The following PCDH7 variants were observed in gnomAD, a reference collection of about 807,000 sequenced individuals.
The protein encoded by PCDH7 is protocadherin-7.
Under a neutral mutation model 58.9 loss-of-function variants are expected in PCDH7, and 17 were observed. The observed-to-expected ratio is 0.29, with a 90% confidence interval of 0.20 to 0.43. The LOEUF (loss-of-function observed/expected upper bound fraction) is 0.43, where lower values mean the gene tolerates loss of function less well. Ranked by LOEUF, PCDH7 falls within the 20% of genes least tolerant of loss-of-function variation. The pLI is 1.00. For missense variants in PCDH7, 1,274 were observed against 1,441.0 expected, an observed-to-expected ratio of 0.88 and a Z score of 1.88; for synonymous variants, 664 against 616.4, an observed-to-expected ratio of 1.08 and a Z score of -1.14.
chr4:31,014,615 GTT>G, intron 3 of PCDH7, among the ~76,000 whole-genome samples: 2 of 152,238 alleles, frequency 1.3e-5, no homozygotes, highest in Admixed American at 1.3e-4. Context: ...AACAAAAAAT[GTT>G]ATGTTTAAAA....
At chr4:30,745,681 A>G (rs951881576) in intron 1 of PCDH7, among the ~76,000 whole-genome samples, 2 of 152,062 alleles carry the variant, frequency 1.3e-5, no homozygotes, top group African/African-American at 4.8e-5. Flanking sequence ...TGTAACTAAC[A>G]ACAGATCCCT....
intron 1 of PCDH7, among the ~76,000 whole-genome samples, chr4:30,891,381 TG>T (rs755574388): frequency 6.6e-6 from 1 of 152,108 alleles, no homozygotes; most frequent in African/African-American, 2.4e-5. Flanking sequence ...TTCAGTGTTT[TG>T]TTTTTTTATA....
chr4:30,752,049 A>G (rs997476873), intron 1 of PCDH7, among the ~76,000 whole-genome samples: 1 of 152,184 alleles, frequency 6.6e-6, no homozygotes, highest in Non-Finnish European at 1.5e-5. Flanking sequence ...GTCATTGAAA[A>G]AGAATATGTC....
chr4:30,909,690 T>G (rs114715201), intron 1 of PCDH7, among the ~76,000 whole-genome samples: 4,154 of 152,252 alleles, frequency 0.027, 187 homozygotes, highest in African/African-American at 0.093. Context: ...CACAAACAGA[T>G]GGAAAACATT....
chr4:30,798,618 G>T (rs771236819), intron 1 of PCDH7, among the ~76,000 whole-genome samples: 5 of 152,102 alleles, frequency 3.3e-5, no homozygotes, highest in Non-Finnish European at 5.9e-5. Flanking sequence ...TGATGATATG[G>T]AATAACTTTA....
At chr4:30,766,286 T>G (rs1399327587) in intron 1 of PCDH7, among the ~76,000 whole-genome samples, 1 of 151,956 alleles carries the variant, frequency 6.6e-6, no homozygotes, top group Admixed American at 6.6e-5. Flanking sequence ...ATCCATCTAT[T>G]TGGGAGGCTG....
rs569699835 is a variant in PCDH7 at position 31,038,498 on chromosome 4, A to G, written c.*7+88283A>G. 1.4e-4 allele frequency among the ~76,000 whole-genome samples: 21 copies of G among 152,280 alleles called. No individual in the cohort carries two copies. In the East Asian group the frequency reaches 3.1e-3, roughly 22 times the overall value. On this transcript the variant is annotated intron_variant, in intron 3 of 3. Transcript: ENST00000509759. ...TATTTGAGATGGAATAAGAAATTAT[A>G]AAGCAGAAAATAAATAGAGTTTACT...
intron 1 of PCDH7, among the ~76,000 whole-genome samples, chr4:30,870,322 G>A (rs897065208): frequency 6.6e-6 from 1 of 151,850 alleles, no homozygotes; most frequent in Non-Finnish European, 1.5e-5. Context: ...GGTTTTGTTG[G>A]CATTGCTTTT....
intron 3 of PCDH7, among the ~76,000 whole-genome samples, chr4:30,976,634 C>G (rs1033454115): frequency 6.7e-6 from 1 of 149,332 alleles, no homozygotes; most frequent in Non-Finnish European, 1.5e-5. Flanking sequence ...TTCCTGACCT[C>G]GTGATCCGCC....
At chr4:31,106,686 A>G (rs1715622526) in intron 3 of PCDH7, among the ~76,000 whole-genome samples, 1 of 152,212 alleles carries the variant, frequency 6.6e-6, no homozygotes, top group African/African-American at 2.4e-5. Flanking sequence ...ATTTCACATC[A>G]GTTATCATGA....
chr4:31,095,355 A>T (rs1713821464), intron 3 of PCDH7, among the ~76,000 whole-genome samples: 1 of 152,076 alleles, frequency 6.6e-6, no homozygotes, highest in Non-Finnish European at 1.5e-5. Context: ...GAATAGCTCA[A>T]TGGGGGTACC....
chr4:31,107,617 A>C (rs1715740261), intron 3 of PCDH7, among the ~76,000 whole-genome samples: 1 of 152,164 alleles, frequency 6.6e-6, no homozygotes, highest in Non-Finnish European at 1.5e-5. Context: ...ATCTGGGATG[A>C]GAGTTTCTAA....
chr4:30,909,913 T>C (rs1741503329), intron 1 of PCDH7, among the ~76,000 whole-genome samples: 1 of 152,124 alleles, frequency 6.6e-6, no homozygotes, highest in African/African-American at 2.4e-5. Context: ...TCACGCTACT[T>C]GACTTCAAAC....
chr4:30,772,616 G>A (rs1244020537), intron 1 of PCDH7, among the ~76,000 whole-genome samples: 1 of 152,190 alleles, frequency 6.6e-6, no homozygotes, highest in East Asian at 1.9e-4. Context: ...GAAGAGAAGA[G>A]TCATGAGGCA....
rs1553850626 is a variant in PCDH7, at chr4:31,097,611, T to TATATATATAG, written c.*8-44853_*8-44852insGATATATATA. On this transcript the variant is annotated intron_variant, in intron 3 of 3. Transcript: ENST00000509759. ...ACATATATATATATATATATATATA[T>TATATATATAG]ATATATATATATATATATATATATA... Among the ~76,000 whole-genome samples, 21 of 33,512 alleles carry TATATATATAG rather than the reference T, an allele frequency of 6.3e-4. No individual in the cohort carries two copies. The East Asian group carries it at 0.047, about 74-fold the overall frequency. 22.0% of individuals were successfully genotyped at this position (33,512 alleles called of 152,430 possible). A position where few individuals can be genotyped will look rare whatever the true frequency, so the allele number is the denominator to read the frequency against.
At chr4:31,019,675 G>A (rs1409276595) in intron 3 of PCDH7, among the ~76,000 whole-genome samples, 13 of 149,932 alleles carry the variant, frequency 8.7e-5, no homozygotes, top group African/African-American at 3.2e-4. Flanking sequence ...GGGACAGAGC[G>A]AGACTCTGTC....
chr4:31,111,086 T>C (rs1225851539), intron 3 of PCDH7, among the ~76,000 whole-genome samples: 3 of 152,146 alleles, frequency 2.0e-5, no homozygotes, highest in Non-Finnish European at 2.9e-5. Context: ...AAGAATACTG[T>C]GATTGAGGGT....
chr4:30,759,186 C>A (rs928134231), intron 1 of PCDH7, among the ~76,000 whole-genome samples: 6 of 152,068 alleles, frequency 3.9e-5, no homozygotes, highest in African/African-American at 1.4e-4. Context: ...AGGCCATCCG[C>A]CCGCCCTGGC....
chr4:30,862,438 T>A (rs1045247890), intron 1 of PCDH7, among the ~76,000 whole-genome samples: 11 of 152,174 alleles, frequency 7.2e-5, no homozygotes, highest in Non-Finnish European at 1.5e-4. Context: ...ACTTGGGGAA[T>A]CCCTATTCAT....
Sources: allele counts gnomAD v4.1 joint callset (sites outside exome capture counted in the v4.1 genomes callset), GRCh38; gene constraint gnomAD v4.1.1; transcripts MANE v1.5; gene names NCBI Gene and HGNC (gene_info 2026-07-23, HGNC 2026-07-21).